The following DEPDC5 variants were observed in gnomAD, a reference collection of about 807,000 sequenced individuals.
The protein encoded by DEPDC5 is GATOR1 complex protein DEPDC5.
DEPDC5 carries 73 observed loss-of-function variants against 217.3 expected under a neutral mutation model. The observed-to-expected ratio is 0.34, with a 90% CI of 0.28 to 0.41. DEPDC5 has a LOEUF of 0.41. DEPDC5 is among the 10% of genes least tolerant of loss of function. The probability of loss-of-function intolerance (pLI) is 1.00; values close to 1 mark genes in which losing one functional copy is unlikely to be tolerated. For missense variants in DEPDC5, 1,675 were observed against 2,070.1 expected (o/e 0.81, Z 3.70); for synonymous variants, 733 against 756.7 (o/e 0.97, Z 0.51).
chr22:31,797,840 A>T lies in DEPDC5; in HGVS notation c.871+137A>T, dbSNP rs1187763282. ...TGCTTTTGGTCAGGGTTCTGTTTCC[A>T]GTTGGATCCAATTGTACATTTCGTA... On this transcript the variant is annotated intron_variant, in intron 13 of 42. Coordinates refer to ENST00000651528, the MANE Select transcript of DEPDC5 (RefSeq NM_001242896.3). The T allele has an allele frequency of 4.4e-6, 3 of 685,506 alleles. No homozygotes were observed. In the South Asian group the frequency reaches 5.2e-5, roughly 12 times the overall value. 42.5% of individuals were successfully genotyped at this position (685,506 alleles called of 1,614,324 possible).
chr22:31,755,063 G>C (rs955975377), intron 2 of DEPDC5, 84 bp downstream of exon 2: 7 of 1,516,046 alleles, frequency 4.6e-6, no homozygotes, highest in Non-Finnish European at 6.4e-6. Context: ...ACACTGACTC[G>C]TGTGACAATT....
At chr22:31,806,436 G>T (rs189367008) in intron 18 of DEPDC5, among the ~76,000 whole-genome samples, 1 of 152,228 alleles carries the variant, frequency 6.6e-6, no homozygotes, top group Non-Finnish European at 1.5e-5. Context: ...CATGAACAGG[G>T]TTAAGAAATT....
chr22:31,810,475 G>A (rs1211092895), intron 19 of DEPDC5, 46 bp from the exon 20 acceptor site: 3 of 1,611,128 alleles, frequency 1.9e-6, no homozygotes, highest in Admixed American at 3.4e-5. Context: ...TCAGGCATGT[G>A]TTTGAAATGT....
intron 38 of DEPDC5, among the ~76,000 whole-genome samples, chr22:31,889,389 C>T (rs1322426205): frequency 6.6e-6 from 1 of 152,114 alleles, no homozygotes; most frequent in Non-Finnish European, 1.5e-5. Flanking sequence ...ACTTCCTGGC[C>T]CAGGCCAGCA....
At position 31,758,718 on chromosome 22, in the gene DEPDC5, A is replaced by G. The variant is rs1321568366; in HGVS notation, c.146+85A>G. The G allele has an allele frequency of 9.2e-6, 12 of 1,309,496 alleles. No individual in the cohort carries two copies. The East Asian group carries it at 2.1e-4, about 23-fold the overall frequency. 81.1% of individuals were successfully genotyped at this position (1,309,496 alleles called of 1,614,324 possible). On this transcript the variant is annotated intron_variant, in intron 3 of 42. Transcript: ENST00000651528. The stretch of plus-strand genomic sequence containing the variant: ...GGCAGATAGCTCTCTTTGCCTTTCA[A>G]AATGCTCATGCTGTGATGGCTCAAT...
rs1569519265 is a variant in DEPDC5 at position 31,783,921 on chromosome 22, T to A, written c.498T>A (p.Ser166=). 4.3e-6 allele frequency: 7 copies of A among 1,613,466 alleles called. No homozygotes were observed. In the South Asian group the frequency reaches 5.5e-5, roughly 13 times the overall value. ...TTTTATTTCAGGTGGTGTTTCGTTC[T>A]ACGTCGGCTATGGTTTACATATTTA... is the stretch of plus-strand genomic sequence containing the variant. ...ISEDTRVVFR[S]TSAMVYIFIQ... Residue 166 remains serine, a synonymous_variant, in exon 9 of 43, where the codon TCT becomes TCA. Transcript: ENST00000651528.
intron 10 of DEPDC5, among the ~76,000 whole-genome samples, chr22:31,788,864 C>T (rs1430298828): frequency 6.6e-6 from 1 of 151,424 alleles, no homozygotes; most frequent in Non-Finnish European, 1.5e-5. Flanking sequence ...ACGTGAGCCT[C>T]CGCGACTGGG....
chr22:31,817,534 G>A, intron 21 of DEPDC5: 1 of 407,742 alleles, frequency 2.5e-6, no homozygotes, highest in Non-Finnish European at 4.8e-6. Context: ...TGTTGCCCAG[G>A]CTGTAGTGCA....
chr22:31,799,702 G>A (rs1157229076), intron 14 of DEPDC5, among the ~76,000 whole-genome samples: 1 of 147,748 alleles, frequency 6.8e-6, no homozygotes, highest in Middle Eastern at 3.7e-3. Flanking sequence ...AGGTTTCACC[G>A]TATTGGCCAG....
At chr22:31,905,777 C>G (rs142525683) in intron 41 of DEPDC5, among the ~76,000 whole-genome samples, 3 of 151,794 alleles carry the variant, frequency 2.0e-5, no homozygotes, top group Non-Finnish European at 4.4e-5. Flanking sequence ...GTGAGGAGGT[C>G]TGGTAAGCCA....
chr22:31,786,674 A>G (rs946254570), intron 10 of DEPDC5, among the ~76,000 whole-genome samples: 2 of 151,880 alleles, frequency 1.3e-5, no homozygotes, highest in South Asian at 2.1e-4. Flanking sequence ...CAGTGGTACA[A>G]TCATACTGTA....
intron 38 of DEPDC5, among the ~76,000 whole-genome samples, chr22:31,883,162 A>G (rs2093221382): frequency 6.6e-6 from 1 of 152,132 alleles, no homozygotes; most frequent in African/African-American, 2.4e-5. Context: ...GTCTCCTGAC[A>G]TTGCCAAATG....
At chr22:31,804,375 T>A (rs2087239486) in intron 16 of DEPDC5, 152 bp downstream of exon 16, 1 of 713,438 alleles carries the variant, frequency 1.4e-6, no homozygotes, top group African/African-American at 1.8e-5. Flanking sequence ...CGGTATAGTT[T>A]GCTATGAACA....
At chr22:31,754,772 A>G in intron 1 of DEPDC5, 90 bp from the exon 2 acceptor site, 1 of 797,578 alleles carries the variant, frequency 1.3e-6, no homozygotes, top group Non-Finnish European at 2.0e-6. Context: ...ACAGCAGAGG[A>G]ACACCAGTAT....
At position 31,873,338 on chromosome 22, in the gene DEPDC5, T is replaced by C. The variant is rs2092902591; in HGVS notation, c.3563+6T>C. The C allele has an allele frequency of 6.2e-7, 1 of 1,613,598 alleles. No homozygotes were observed. Among genetic ancestry groups the C allele is most frequent in the Admixed American group, 1.7e-5 (1 of 59,980 alleles). ...GAAGCCATGAAGCACCCCTCGTAAG[T>C]GGCTCACCACAGTGTAGGGTTGGAA... On this transcript the variant is annotated splice_donor_region_variant and intron_variant, in intron 35 of 42. Transcript: ENST00000651528.
At chr22:31,858,316 C>T (rs1451756787) in intron 32 of DEPDC5, 2 of 151,704 alleles carry the variant, frequency 1.3e-5, no homozygotes, top group Admixed American at 1.3e-4. Context: ...AAACCTGAGA[C>T]TTTAGGCCTC....
At chr22:31,905,887 GTC>G in intron 41 of DEPDC5, 95 bp from the exon 42 acceptor site, 3 of 1,072,306 alleles carry the variant, frequency 2.8e-6, no homozygotes, top group Non-Finnish European at 4.2e-6. Context: ...AGATCTCTGT[GTC>G]TCAGGCTGTC....
intron 5 of DEPDC5, among the ~76,000 whole-genome samples, chr22:31,765,611 T>G (rs2082743472): frequency 6.6e-6 from 1 of 152,166 alleles, no homozygotes; most frequent in Non-Finnish European, 1.5e-5. Flanking sequence ...TCTAAAAGAT[T>G]AGCTGGGTGT....
Position 31,906,602 on chromosome 22 carries a change from T to C in DEPDC5, c.*105T>C. On this transcript the variant is annotated 3_prime_UTR_variant, in exon 43 of 43. Transcript: ENST00000651528. This position sits in a 1 kb window ranked among gnomAD's most constrained non-coding sequence, Gnocchi z 5.1. ...TAGGAGTCAGGTGTCCGTTTGCTGCTATCAGTGAGTGGGGGCCATTGTTTT... is the reference window on the plus strand; with the variant it reads ...TAGGAGTCAGGTGTCCGTTTGCTGCCATCAGTGAGTGGGGGCCATTGTTTT... 1 of 1,365,874 alleles carries C rather than the reference T, an allele frequency of 7.3e-7. No individual in the cohort carries two copies. Among genetic ancestry groups the C allele is most frequent in the Non-Finnish European group, 1.0e-6 (1 of 995,562 alleles). 84.6% of individuals were successfully genotyped at this position (1,365,874 alleles called of 1,614,324 possible).
Sources: allele counts gnomAD v4.1 joint callset (sites outside exome capture counted in the v4.1 genomes callset), GRCh38; gene constraint gnomAD v4.1.1; non-coding constraint Gnocchi (gnomAD v3.1); transcripts MANE v1.5; gene names NCBI Gene and HGNC (gene_info 2026-07-23, HGNC 2026-07-21).